Variants in ZPLD1 observed in about 807,000 individuals in gnomAD.
The protein encoded by ZPLD1 is zona pellucida like domain containing 1, also known as zona pellucida-like domain-containing protein 1.
ZPLD1 carries 34 observed loss-of-function variants against 47.2 expected under a neutral mutation model. The ratio of observed to expected loss-of-function variants is 0.72; its 90% CI spans 0.55 to 0.96. The LOEUF is 0.96. ZPLD1 is among the 40% of genes least tolerant of loss of function. ZPLD1 has a pLI of 0.00. For missense variants in ZPLD1, 512 were observed against 505.8 expected (o/e 1.01, Z -0.12); for synonymous variants, 176 against 186.2 (o/e 0.95, Z 0.45).
chr3:102,413,164 T>C (rs973680311), intron 7 of ZPLD1, among the ~76,000 whole-genome samples: 21 of 151,786 alleles, frequency 1.4e-4, no homozygotes, highest in Admixed American at 4.0e-4. Flanking sequence ...TATTAATTAA[T>C]GATTAAAATT....
intron 10 of ZPLD1, among the ~76,000 whole-genome samples, chr3:102,475,803 G>A (rs1270014661): frequency 4.6e-5 from 7 of 151,914 alleles, no homozygotes; most frequent in Non-Finnish European, 7.4e-5. Context: ...CAGAACCATC[G>A]TTTCTGCCAA....
intron 6 of ZPLD1, among the ~76,000 whole-genome samples, chr3:102,461,368 A>C (rs1707504463): frequency 6.6e-6 from 1 of 151,920 alleles, no homozygotes; most frequent in South Asian, 2.1e-4. Flanking sequence ...TTCATTATCA[A>C]ATTATACCTG....
At chr3:102,424,169 A>G (rs2107308723) in intron 8 of ZPLD1, among the ~76,000 whole-genome samples, 1 of 152,298 alleles carries the variant, frequency 6.6e-6, no homozygotes, top group African/African-American at 2.4e-5. Context: ...TAATTACAAC[A>G]TTGCATCAAT....
intron 7 of ZPLD1, among the ~76,000 whole-genome samples, chr3:102,405,512 A>T (rs1462569404): frequency 6.6e-6 from 1 of 152,012 alleles, no homozygotes; most frequent in Non-Finnish European, 1.5e-5. Flanking sequence ...TGGTATAAGG[A>T]ACAAGAACCT....
intron 7 of ZPLD1, among the ~76,000 whole-genome samples, chr3:102,398,412 A>G (rs1413448923): frequency 1.3e-5 from 2 of 152,134 alleles, no homozygotes; most frequent in Non-Finnish European, 2.9e-5. Flanking sequence ...GTTTGACCTA[A>G]GGTGAGTCAT....
intron 7 of ZPLD1, among the ~76,000 whole-genome samples, chr3:102,408,300 G>C (rs1202858349): frequency 2.0e-5 from 3 of 151,754 alleles, no homozygotes; most frequent in Non-Finnish European, 4.4e-5. Context: ...GAGTAGGTTT[G>C]CTCCATTTCT....
chr3:102,443,710 A>T (rs563539691), intron 3 of ZPLD1, among the ~76,000 whole-genome samples: 30 of 152,228 alleles, frequency 2.0e-4, no homozygotes, highest in South Asian at 4.1e-4. Context: ...AATAGAATTC[A>T]TGAGTGAGTT....
At chr3:102,395,811 GA>G (rs1706550359) in intron 7 of ZPLD1, among the ~76,000 whole-genome samples, 1 of 152,112 alleles carries the variant, frequency 6.6e-6, no homozygotes, top group South Asian at 2.1e-4. Flanking sequence ...TTTCTTCTAT[GA>G]ACTAATAATA....
At position 102,477,511 on chromosome 3, in the gene ZPLD1, C is replaced by G; in HGVS notation, c.1141C>G (p.Leu381Val). 1 of 1,613,818 alleles carries G rather than the reference C, an allele frequency of 6.2e-7. No individual in the cohort carries two copies. The highest frequency in any genetic ancestry group is 8.5e-7 in the Non-Finnish European group (1 of 1,179,772). Reference sequence around the variant, plus strand: ...CGCACTGATATCAGGAATGGTCATTCTGGGAGTTACGAGCTTTTCTCTTCT... The same window carrying G: ...CGCACTGATATCAGGAATGGTCATTGTGGGAGTTACGAGCTTTTCTCTTCT... ...TSALISGMVILGVTSFSLLLC... is the reference protein window; with the variant it reads ...TSALISGMVIVGVTSFSLLLC... Residue 381 changes from leucine (L) to valine (V), a missense_variant, in exon 12 of 12, where the codon CTG becomes GTG. By Grantham distance (32) the Leu-to-Val change is conservative. Coordinates refer to ENST00000466937, the MANE Select transcript of ZPLD1 (RefSeq NM_001329788.2).
chr3:102,476,870 C>T (rs1317726677), intron 10 of ZPLD1, 142 bp from the exon 11 acceptor site: 13 of 888,974 alleles, frequency 1.5e-5, no homozygotes, highest in African/African-American at 8.5e-5. Context: ...TTCATTTTTG[C>T]CTTACTCAAG....
At chr3:102,455,097 G>T (rs901179615) in intron 4 of ZPLD1, among the ~76,000 whole-genome samples, 14 of 152,206 alleles carry the variant, frequency 9.2e-5, no homozygotes, top group African/African-American at 3.4e-4. Flanking sequence ...CATTCATAAA[G>T]ATTCTTGTCC....
chr3:102,435,059 C>A lies in ZPLD1; in HGVS notation c.-218C>A. 1 of 1,594,844 alleles carries A rather than the reference C, an allele frequency of 6.3e-7. No individual in the cohort carries two copies. The highest frequency in any genetic ancestry group is 8.6e-7 in the Non-Finnish European group (1 of 1,162,642). On this transcript the variant is annotated 5_prime_UTR_variant, in exon 1 of 12. Coordinates refer to ENST00000466937, the MANE Select transcript of ZPLD1 (RefSeq NM_001329788.2). Reference sequence around the variant, plus strand: ...CCCCCAATCCCATACAATTCAATTTCAGAAAAGTATTTAGGGACTGTGCTA... The same window carrying A: ...CCCCCAATCCCATACAATTCAATTTAAGAAAAGTATTTAGGGACTGTGCTA...
rs1276645846 is a variant in ZPLD1 at position 102,478,156 on chromosome 3, T to A, written c.*538T>A. On this transcript the variant is annotated 3_prime_UTR_variant, in exon 12 of 12. Transcript: ENST00000466937. ...CTCCTGTGTTTTTGGCCGATTTTCA[T>A]GTCTGACCATATTCATTTTAAAAGA... 6.6e-6 allele frequency: 1 copy of A among 152,262 alleles called. No homozygotes were observed. Among genetic ancestry groups the A allele is most frequent in the African/African-American group, 2.4e-5 (1 of 41,468 alleles). The allele number at this position is 152,262 out of a possible 1,614,324, so 9.4% of individuals were successfully genotyped here. A position where few individuals can be genotyped will look rare whatever the true frequency, so the allele number is the denominator to read the frequency against.
intron 7 of ZPLD1, among the ~76,000 whole-genome samples, chr3:102,412,842 AGT>A (rs1168363910): frequency 2.0e-5 from 3 of 151,422 alleles, no homozygotes; most frequent in East Asian, 2.0e-4. Context: ...TATATATATG[AGT>A]GTGTGTGTGT....
intron 8 of ZPLD1, among the ~76,000 whole-genome samples, chr3:102,419,447 A>G (rs770828653): frequency 1.3e-5 from 2 of 151,976 alleles, no homozygotes; most frequent in Non-Finnish European, 2.9e-5. Context: ...CATTATTGTT[A>G]ATAGCCTCAT....
chr3:102,474,457 C>T (rs1707728687), intron 10 of ZPLD1, among the ~76,000 whole-genome samples: 1 of 152,112 alleles, frequency 6.6e-6, no homozygotes, highest in Non-Finnish European at 1.5e-5. Flanking sequence ...GAGAACAGGC[C>T]ACAGACTTTG....
At chr3:102,432,129 AT>A (rs903042714), upstream of ZPLD1, among the ~76,000 whole-genome samples, 1 of 151,852 alleles carries the variant, frequency 6.6e-6, no homozygotes, top group Admixed American at 6.6e-5. Context: ...AAATACACAC[AT>A]TTTTTTCTCC....
In ZPLD1 at chr3:102,478,517, T is replaced by G. The variant is rs1487362325; in HGVS notation, c.*899T>G. 1 of 152,236 alleles carries G rather than the reference T, an allele frequency of 6.6e-6. No homozygotes were observed. Among genetic ancestry groups the G allele is most frequent in the Admixed American group, 6.5e-5 (1 of 15,278 alleles). 9.4% of individuals were successfully genotyped at this position (152,236 alleles called of 1,614,324 possible). On this transcript the variant is annotated 3_prime_UTR_variant, in exon 12 of 12. Coordinates refer to ENST00000466937, the MANE Select transcript of ZPLD1 (RefSeq NM_001329788.2). ...AGGGTTTTTAACAATTTAGATTCCC[T>G]TTTTCCTAAAACAAAAAGGAAACTT... is the stretch of plus-strand genomic sequence containing the variant.
At chr3:102,400,679 T>C (rs1342226813) in intron 7 of ZPLD1, among the ~76,000 whole-genome samples, 1 of 152,096 alleles carries the variant, frequency 6.6e-6, no homozygotes, top group Non-Finnish European at 1.5e-5. Flanking sequence ...TTATTTAATT[T>C]ATGTGTCTTG....
Sources: gnomAD v4.1 joint callset for allele counts (sites outside exome capture counted in the v4.1 genomes callset) on GRCh38, gnomAD v4.1.1 for gene constraint, MANE v1.5 for transcripts, NCBI Gene and HGNC (gene_info 2026-07-23, HGNC 2026-07-21) for gene names.